TIAM1: variants seen among roughly 807,000 people sequenced by gnomAD.
TIAM1 encodes the protein TIAM Rac1 associated GEF 1, also known as rho guanine nucleotide exchange factor TIAM1.
In TIAM1, 65 loss-of-function variants were observed where a neutral mutation model predicts 163.5. That is an observed-to-expected ratio of 0.40 (90% CI 0.33 to 0.49). TIAM1 has a LOEUF of 0.49. Among genes scored for constraint, TIAM1 ranks in the 20% least tolerant of loss-of-function variants. TIAM1 has a pLI of 0.77. For missense variants in TIAM1, 1,789 were observed against 2,044.7 expected, an observed-to-expected ratio of 0.87 and a Z score of 2.41; for synonymous variants, 833 against 810.1, an observed-to-expected ratio of 1.03 and a Z score of -0.48.
At chr21:31,140,804 T>C (rs2082812699) in intron 22 of TIAM1, among the ~76,000 whole-genome samples, 2 of 152,190 alleles carry the variant, frequency 1.3e-5, no homozygotes, top group South Asian at 2.1e-4. Flanking sequence ...TGGACTTTCA[T>C]GACATTTCTA....
intron 1 of TIAM1, among the ~76,000 whole-genome samples, chr21:31,474,809 G>T (rs1276961269): frequency 6.6e-6 from 1 of 151,904 alleles, no homozygotes; most frequent in Non-Finnish European, 1.5e-5. Flanking sequence ...GCCTCTCAAA[G>T]TGCTGGGATT....
chr21:31,236,214 C>A (rs1201237437), intron 6 of TIAM1, among the ~76,000 whole-genome samples: 2 of 152,188 alleles, frequency 1.3e-5, no homozygotes, highest in Non-Finnish European at 2.9e-5. Flanking sequence ...ATTGGGCCAC[C>A]AGAATGGTGC....
chr21:31,293,087 G>C (rs1392942318), intron 2 of TIAM1, among the ~76,000 whole-genome samples: 4 of 152,184 alleles, frequency 2.6e-5, no homozygotes, highest in African/African-American at 9.7e-5. Flanking sequence ...GCCTCCCAAA[G>C]TGTTGGGACT....
chr21:31,251,671 C>T (rs910482718), intron 5 of TIAM1, 71 bp downstream of exon 5: 8 of 1,450,362 alleles, frequency 5.5e-6, no homozygotes, highest in Middle Eastern at 1.8e-4. Flanking sequence ...CCACCCATCC[C>T]GTGAGTATGT....
chr21:31,141,341 C>T lies in TIAM1; in HGVS notation c.3639G>A (p.Glu1213=). 3 of 1,614,130 alleles carry T rather than the reference C, an allele frequency of 1.9e-6. No homozygotes were observed. Among genetic ancestry groups the T allele is most frequent in the Non-Finnish European group, 2.5e-6 (3 of 1,179,964 alleles). The part of the protein sequence containing the change: ...LFALTDAESE[E]HYHLDVAIKT... ...GAGGCCTACCGTCCAGGTGGTAGTG[C>T]TCCTCGCTCTCCGCATCGGTCAGGG... Residue 1213 remains glutamate, a synonymous_variant, in exon 21 of 28, where the codon GAG becomes GAA. Transcript: ENST00000541036. The surrounding 1 kb of genome is among the most constrained non-coding windows in gnomAD (Gnocchi z 4.7).
At chr21:31,282,129 C>T (rs374072942) in intron 2 of TIAM1, among the ~76,000 whole-genome samples, 4 of 152,266 alleles carry the variant, frequency 2.6e-5, no homozygotes, top group African/African-American at 9.6e-5. Context: ...ATAGGAAAAA[C>T]ATGGCAGTTG....
At chr21:31,204,402 T>C (rs1430359991) in intron 11 of TIAM1, among the ~76,000 whole-genome samples, 2 of 152,210 alleles carry the variant, frequency 1.3e-5, no homozygotes, top group African/African-American at 4.8e-5. Context: ...AAATTGGACA[T>C]TTTTCACAAA....
chr21:31,381,005 A>G (rs922458633), intron 2 of TIAM1, among the ~76,000 whole-genome samples: 1 of 152,234 alleles, frequency 6.6e-6, no homozygotes, highest in African/African-American at 2.4e-5. Context: ...TACCTGACAC[A>G]GTGCAGCACT....
intron 2 of TIAM1, among the ~76,000 whole-genome samples, chr21:31,463,812 CA>C (rs35597903): frequency 0.03 from 3,983 of 130,590 alleles, 170 homozygotes; most frequent in African/African-American, 0.1. Context: ...GCTCCGTCTC[CA>C]AAAAAAAAAA....
intron 2 of TIAM1, among the ~76,000 whole-genome samples, chr21:31,335,135 CCT>C (rs143618214): frequency 0.012 from 1,885 of 152,244 alleles, 38 homozygotes; most frequent in African/African-American, 0.043. Flanking sequence ...AAAGAAGAGT[CCT>C]CTGTCTAACC....
chr21:31,441,508 C>T (rs1441000046), intron 2 of TIAM1, among the ~76,000 whole-genome samples: 1 of 152,122 alleles, frequency 6.6e-6, no homozygotes, highest in Non-Finnish European at 1.5e-5. Flanking sequence ...TTGGAAGGCA[C>T]AAGTTGGCGA....
chr21:31,203,055 A>C (rs2086281999), intron 11 of TIAM1, 43 bp from the exon 12 acceptor site: 1 of 1,476,754 alleles, frequency 6.8e-7, no homozygotes, highest in Admixed American at 1.7e-5. Flanking sequence ...TCTGTTCAAT[A>C]GTAAATAGGC....
chr21:31,540,011 G>C (rs1456083131), intron 1 of TIAM1, among the ~76,000 whole-genome samples: 1 of 150,076 alleles, frequency 6.7e-6, no homozygotes, highest in Non-Finnish European at 1.5e-5. Context: ...AGGCAACATA[G>C]TGAAACCTCG....
At chr21:31,211,573 C>T (rs1047223102) in intron 10 of TIAM1, among the ~76,000 whole-genome samples, 1 of 152,062 alleles carries the variant, frequency 6.6e-6, no homozygotes, top group Non-Finnish European at 1.5e-5. Flanking sequence ...AGAATGGAAT[C>T]CAAGAATGGG....
intron 1 of TIAM1, among the ~76,000 whole-genome samples, chr21:31,553,303 A>G (rs2048756908): frequency 6.6e-6 from 1 of 152,232 alleles, no homozygotes; most frequent in Non-Finnish European, 1.5e-5. Flanking sequence ...ATATTATGCT[A>G]AAGAACTTGC....
At chr21:31,196,931 G>A (rs149932950) in intron 12 of TIAM1, among the ~76,000 whole-genome samples, 4,723 of 152,148 alleles carry the variant, frequency 0.031, 270 homozygotes, top group African/African-American at 0.11. Flanking sequence ...ACAAAATCAT[G>A]TTCTTTACAG....
At chr21:31,429,255 G>GCCT (rs1247293166) in intron 2 of TIAM1, among the ~76,000 whole-genome samples, 1 of 152,154 alleles carries the variant, frequency 6.6e-6, no homozygotes, top group Non-Finnish European at 1.5e-5. Flanking sequence ...GCCTGCCTTG[G>GCCT]CCTCCCGAAG....
chr21:31,173,917 T>G (rs2084642051), intron 15 of TIAM1, among the ~76,000 whole-genome samples: 1 of 152,172 alleles, frequency 6.6e-6, no homozygotes, highest in African/African-American at 2.4e-5. Flanking sequence ...CACTGGAAGT[T>G]ACCCCGCCCC....
chr21:31,147,255 C>T (rs917814709), intron 19 of TIAM1, among the ~76,000 whole-genome samples: 6 of 152,078 alleles, frequency 3.9e-5, no homozygotes, highest in Non-Finnish European at 8.8e-5. Flanking sequence ...CCCTGGTTTT[C>T]CAGGTCTGTG....
Sources: allele counts gnomAD v4.1 joint callset (sites outside exome capture counted in the v4.1 genomes callset), GRCh38; gene constraint gnomAD v4.1.1; non-coding constraint Gnocchi (gnomAD v3.1); transcripts MANE v1.5; gene names NCBI Gene and HGNC (gene_info 2026-07-23, HGNC 2026-07-21).